The following STXBP5 variants were observed in gnomAD, a reference collection of about 807,000 sequenced individuals.
STXBP5 encodes syntaxin binding protein 5.
In STXBP5, 50 loss-of-function variants were observed where a neutral mutation model predicts 152.4. The observed-to-expected ratio is 0.33, with a 90% CI of 0.26 to 0.42. The LOEUF (loss-of-function observed/expected upper bound fraction) is 0.42, where lower values mean the gene tolerates loss of function less well. Among genes scored for constraint, STXBP5 ranks in the 10% least tolerant of loss-of-function variants. The pLI, the probability that STXBP5 is intolerant of heterozygous loss-of-function variation, is 1.00. For synonymous variants in STXBP5, 492 were observed against 494.7 expected (o/e 0.99, Z 0.07); for missense variants, 1,167 against 1,388.6 (o/e 0.84, Z 2.54).
Position 147,263,753 on chromosome 6 carries a change from C to G in STXBP5, c.630+1400C>G, listed in dbSNP as rs1030529395. Among the ~76,000 whole-genome samples, 43 of 152,152 alleles carry G rather than the reference C, an allele frequency of 2.8e-4. 2 individuals carry two copies. The Middle Eastern group carries it at 0.02, about 72-fold the overall frequency. On this transcript the variant is annotated intron_variant, in intron 6 of 27. Transcript: ENST00000321680. ...TCTCTCTGCTGAATTCCTATCTACA[C>G]TTTAAGGCCCAGATTAAATATTTTT... is the stretch of plus-strand genomic sequence containing the variant.
Position 147,205,892 on chromosome 6 carries a change from T to A in STXBP5, c.151-79T>A, listed in dbSNP as rs771983193. ...TGCATCAGTGGTAGTGGTTCTAAAT[T>A]CTAACGCCTCTATTGACTTTCTATT... On this transcript the variant is annotated intron_variant, in intron 1 of 27. Transcript: ENST00000321680. 542 of 1,086,328 alleles carry A rather than the reference T, an allele frequency of 5.0e-4. 1 individual carries two copies. Among genetic ancestry groups the A allele is most frequent in the Non-Finnish European group, 6.8e-4 (482 of 710,330 alleles). The allele number at this position is 1,086,328 out of a possible 1,614,324, so 67.3% of individuals were successfully genotyped here.
At chr6:147,239,361 T>C in intron 4 of STXBP5, 91 bp downstream of exon 4, 1 of 1,051,272 alleles carries the variant, frequency 9.5e-7, no homozygotes. Flanking sequence ...GTGATGGACC[T>C]TATGCACAAT....
chr6:147,382,904 C>CA lies in STXBP5; in HGVS notation c.3321dup (p.Leu1108ThrfsTer3). ...GGTGAATTAGCACGAGCCAGGCTGG[C>CA]ACTAGATGAAAGAGGGCAGAAACTT... On this transcript the variant is annotated frameshift_variant, in exon 27 of 28. Transcript: ENST00000321680. LOFTEE classifies it high-confidence loss of function. 1 of 1,613,414 alleles carries CA rather than the reference C, an allele frequency of 6.2e-7. No individual in the cohort carries two copies. Among genetic ancestry groups the CA allele is most frequent in the Non-Finnish European group, 8.5e-7 (1 of 1,179,672 alleles).
intron 18 of STXBP5, among the ~76,000 whole-genome samples, chr6:147,332,536 T>C (rs1210757013): frequency 6.6e-6 from 1 of 152,208 alleles, no homozygotes; most frequent in East Asian, 1.9e-4. Context: ...CAATTTGCTC[T>C]GAAGCAGTAC....
intron 8 of STXBP5, among the ~76,000 whole-genome samples, chr6:147,288,630 A>G (rs1239289374): frequency 6.6e-6 from 1 of 152,174 alleles, no homozygotes. Flanking sequence ...TACTGGTGGC[A>G]TATATCTGAG....
At chr6:147,263,854 A>G (rs1487470173) in intron 6 of STXBP5, among the ~76,000 whole-genome samples, 3 of 151,980 alleles carry the variant, frequency 2.0e-5, no homozygotes, top group Non-Finnish European at 4.4e-5. Context: ...TACTTTAGTT[A>G]TGAAATTTTA....
Position 147,267,487 on chromosome 6 carries a change from A to G in STXBP5, c.714+320A>G, listed in dbSNP as rs149800593. On this transcript the variant is annotated intron_variant, in intron 7 of 27. Transcript: ENST00000321680. ...TCTTTTGTACGAATGATAGTATACTATAGACATTTATAATCCACTTTAAGA... is the reference window on the plus strand; with the variant it reads ...TCTTTTGTACGAATGATAGTATACTGTAGACATTTATAATCCACTTTAAGA... Among the ~76,000 whole-genome samples the G allele has an allele frequency of 7.1e-3, 1,085 of 152,240 alleles. 15 individuals carry two copies. Among genetic ancestry groups the G allele is most frequent in the African/African-American group, 0.025 (1,043 of 41,546 alleles).
intron 8 of STXBP5, among the ~76,000 whole-genome samples, chr6:147,279,757 CCTCAT>C (rs1780612754): frequency 6.6e-6 from 1 of 152,054 alleles, no homozygotes; most frequent in Non-Finnish European, 1.5e-5. Flanking sequence ...TATCTAGGTT[CCTCAT>C]CTCGACACTC....
rs375559283 is a variant in STXBP5, at chr6:147,330,175, C to T, written c.2080+2899C>T. 8.6e-4 allele frequency among the ~76,000 whole-genome samples: 130 copies of T among 152,008 alleles called. 1 individual carries two copies. Among genetic ancestry groups the T allele is most frequent in the African/African-American group, 3.0e-3 (124 of 41,462 alleles). On this transcript the variant is annotated intron_variant, in intron 18 of 27. Transcript: ENST00000321680. ...ACAGTAATGAAGTATTTCAGCTACC[C>T]GTATATCTGCTAAAAATCTGATTCT...
intron 3 of STXBP5, among the ~76,000 whole-genome samples, chr6:147,238,823 A>G (rs923953064): frequency 2.6e-5 from 4 of 152,204 alleles, no homozygotes; most frequent in African/African-American, 9.6e-5. Flanking sequence ...TCTGCTAATC[A>G]AGGAAGTATG....
intron 4 of STXBP5, among the ~76,000 whole-genome samples, chr6:147,254,858 CT>C (rs1282709921): frequency 6.6e-6 from 1 of 152,176 alleles, no homozygotes. Flanking sequence ...AATGCGTTTA[CT>C]TTGTTGGTGG....
intron 21 of STXBP5, among the ~76,000 whole-genome samples, chr6:147,350,665 A>G (rs1296955687): frequency 6.6e-6 from 1 of 152,146 alleles, no homozygotes; most frequent in Non-Finnish European, 1.5e-5. Flanking sequence ...GAATTTTGCC[A>G]TAGAATTAGA....
intron 17 of STXBP5, 72 bp from the exon 18 acceptor site, chr6:147,327,053 C>A: frequency 7.0e-7 from 1 of 1,423,878 alleles, no homozygotes; most frequent in Non-Finnish European, 9.7e-7. Flanking sequence ...TTTCTTCAGC[C>A]TTATAGACTG....
intron 26 of STXBP5, among the ~76,000 whole-genome samples, chr6:147,380,478 G>C (rs1459950255): frequency 6.6e-6 from 1 of 150,904 alleles, no homozygotes; most frequent in Non-Finnish European, 1.5e-5. Flanking sequence ...AAAGATGTTG[G>C]GCCCCAGCTT....
At chr6:147,367,443 C>A (rs1447466230) in intron 25 of STXBP5, among the ~76,000 whole-genome samples, 1 of 152,012 alleles carries the variant, frequency 6.6e-6, no homozygotes, top group Non-Finnish European at 1.5e-5. Flanking sequence ...TCGAGACCAT[C>A]CTGGCTAACA....
At chr6:147,316,200 G>A (rs1241357116) in intron 15 of STXBP5, 29 bp from the exon 16 acceptor site, 2 of 1,596,630 alleles carry the variant, frequency 1.3e-6, no homozygotes, top group East Asian at 2.2e-5. Flanking sequence ...ATTATTAGGA[G>A]TAAGTAAACT....
intron 25 of STXBP5, among the ~76,000 whole-genome samples, chr6:147,370,665 T>G (rs958194015): frequency 7.2e-5 from 11 of 152,148 alleles, no homozygotes; most frequent in African/African-American, 2.6e-4. Flanking sequence ...TTAATTCAGT[T>G]TAAAACAACT....
intron 9 of STXBP5, among the ~76,000 whole-genome samples, chr6:147,307,812 A>G (rs779170989): frequency 6.6e-6 from 1 of 152,186 alleles, no homozygotes; most frequent in Non-Finnish European, 1.5e-5. Context: ...TAAGTTTAGA[A>G]AATAAGTACA....
At chr6:147,256,600 A>G (rs777988741) in intron 4 of STXBP5, among the ~76,000 whole-genome samples, 5 of 152,200 alleles carry the variant, frequency 3.3e-5, no homozygotes, top group East Asian at 1.9e-4. Flanking sequence ...TTTCAAGTAG[A>G]TAATGTGAAC....
Sources: allele counts gnomAD v4.1 joint callset (sites outside exome capture counted in the v4.1 genomes callset), GRCh38; gene constraint gnomAD v4.1.1; transcripts MANE v1.5; gene names NCBI Gene and HGNC (gene_info 2026-07-23, HGNC 2026-07-21).